Variants in SLC2A8 observed in about 807,000 individuals in gnomAD.
The protein encoded by SLC2A8 is solute carrier family 2 member 8, also known as solute carrier family 2, facilitated glucose transporter member 8.
In SLC2A8, 53 loss-of-function variants were observed where a neutral mutation model predicts 49.2. That is an observed-to-expected ratio of 1.08 (90% CI 0.86 to 1.35). SLC2A8 has a LOEUF of 1.35. Among genes scored for constraint, SLC2A8 ranks in the 40% most tolerant of loss-of-function variants. SLC2A8 has a pLI of 0.00. For synonymous variants in SLC2A8, 299 were observed against 297.0 expected (o/e 1.01, Z -0.07); for missense variants, 688 against 671.7 (o/e 1.02, Z -0.27).
chr9:127,398,182 C>T (rs1262878875), intron 3 of SLC2A8, 71 bp downstream of exon 3: 6 of 1,499,094 alleles, frequency 4.0e-6, no homozygotes, highest in Non-Finnish European at 5.5e-6. Context: ...AAACCGCTCC[C>T]CAGGCCTGGG....
intron 9 of SLC2A8, among the ~76,000 whole-genome samples, chr9:127,406,534 GAGA>G (rs1242581424): frequency 6.9e-6 from 1 of 144,490 alleles, no homozygotes; most frequent in Non-Finnish European, 1.6e-5. Context: ...AAGAGGCCAA[GAGA>G]AGGCCTTCGA....
In SLC2A8 at chr9:127,398,058, G is replaced by A. The variant is rs769602141; in HGVS notation, c.373G>A (p.Gly125Arg). ...TAAQDVWMLL[G>R]GRLLTGLACG... is the part of the protein sequence containing the mutation. ...GGCCCAGGACGTGTGGATGCTGCTGGGGGGCCGCCTCCTCACCGGCCTGGC... is the reference window on the plus strand; with the variant it reads ...GGCCCAGGACGTGTGGATGCTGCTGAGGGGCCGCCTCCTCACCGGCCTGGC... The change falls in exon 3 of 10, where the codon GGG (glycine) becomes AGG (arginine). Residue 125 changes from glycine to arginine, a missense_variant. By Grantham distance (125) the Gly-to-Arg change is moderately radical (BLOSUM62 -2). Transcript: ENST00000373371. 15 of 1,589,422 alleles carry A rather than the reference G, an allele frequency of 9.4e-6. No individual in the cohort carries two copies. The highest frequency in any genetic ancestry group is 1.3e-5 in the Non-Finnish European group (15 of 1,174,152).
chr9:127,397,241 A>G lies in SLC2A8; in HGVS notation c.11A>G (p.Glu4Gly). ...GCGTTGGCCGCCGACATGACGCCCG[A>G]GGACCCAGAGGAAACCCAGCCGCTT... MTP[E>G]DPEETQPLLG... Residue 4 changes from glutamate (E) to glycine (G), a missense_variant, in exon 1 of 10, where the codon GAG (glutamate) becomes GGG (glycine). Glu to Gly is a moderately conservative substitution (Grantham distance 98). Transcript: ENST00000373371. 1 of 1,447,218 alleles carries G rather than the reference A, an allele frequency of 6.9e-7. No individual in the cohort carries two copies. Among genetic ancestry groups the G allele is most frequent in the South Asian group, 1.4e-5 (1 of 73,274 alleles). 89.6% of individuals were successfully genotyped at this position (1,447,218 alleles called of 1,614,324 possible). A position where few individuals can be genotyped will look rare whatever the true frequency, so the allele number is the denominator to read the frequency against.
chr9:127,401,155 C>G (rs1833272236), intron 4 of SLC2A8, among the ~76,000 whole-genome samples: 1 of 152,208 alleles, frequency 6.6e-6, no homozygotes, highest in South Asian at 2.1e-4. Context: ...TGGGGATAGC[C>G]TCTCCTACGT....
chr9:127,407,190 G>T lies in SLC2A8; in HGVS notation c.1375G>T (p.Val459Phe). ...IFSVLFTLFC[V>F]PETKGKTLEQ... The stretch of plus-strand genomic sequence containing the variant: ...CAGTGTCCTTTTCACTTTGTTCTGT[G>T]TCCCTGAAACTAAAGGAAAGACTCT... The change falls in exon 10 of 10, where the codon GTC becomes TTC. Residue 459 changes from valine to phenylalanine, a missense_variant. Transcript: ENST00000373371. 1 of 1,613,602 alleles carries T rather than the reference G, an allele frequency of 6.2e-7. No homozygotes were observed. The highest frequency in any genetic ancestry group is 8.5e-7 in the Non-Finnish European group (1 of 1,180,008).
intron 4 of SLC2A8, among the ~76,000 whole-genome samples, chr9:127,401,503 C>T (rs1216453149): frequency 6.6e-6 from 1 of 152,250 alleles, no homozygotes; most frequent in Non-Finnish European, 1.5e-5. Flanking sequence ...ATCTGGCTAC[C>T]TTGGGAGACC....
intron 7 of SLC2A8, 35 bp downstream of exon 7, chr9:127,404,102 G>T (rs530006084): frequency 1.3e-5 from 20 of 1,501,406 alleles, no homozygotes; most frequent in Middle Eastern, 1.7e-4. Context: ...TCCCCGCCAT[G>T]CGGGGGAGGG....
Position 127,407,714 on chromosome 9 carries a change from T to C in SLC2A8, c.*465T>C. The C allele has an allele frequency of 3.5e-6, 1 of 285,402 alleles. No individual in the cohort carries two copies. Among genetic ancestry groups the C allele is most frequent in the Non-Finnish European group, 7.1e-6 (1 of 140,946 alleles). 17.7% of individuals were successfully genotyped at this position (285,402 alleles called of 1,614,324 possible). A position where few individuals can be genotyped will look rare whatever the true frequency, so the allele number is the denominator to read the frequency against. ...GTGCAAGCTCAGTTTGAAAAGGGTTTATTCCCATCACTGCCCAGGACACCC... is the reference window on the plus strand; with the variant it reads ...GTGCAAGCTCAGTTTGAAAAGGGTTCATTCCCATCACTGCCCAGGACACCC... On this transcript the variant is annotated 3_prime_UTR_variant, in exon 10 of 10. Transcript: ENST00000373371.
intron 4 of SLC2A8, among the ~76,000 whole-genome samples, 160 bp downstream of exon 4, chr9:127,400,166 C>CTTTTGTTTTTTTTTT (rs1833223740): frequency 1.7e-5 from 2 of 116,834 alleles, no homozygotes; most frequent in African/African-American, 6.8e-5. Context: ...ATAGGTGAGT[C>CTTTTGTTTTTTTTTT]TTTTTTTTTT....
chr9:127,404,674 G>A, intron 7 of SLC2A8, 144 bp from the exon 8 acceptor site: 1 of 941,314 alleles, frequency 1.1e-6, no homozygotes, highest in Admixed American at 2.8e-5. Flanking sequence ...ACCCAGTCAG[G>A]GCTTCTGCGG....
In SLC2A8 at chr9:127,402,662, C is replaced by G; in HGVS notation, c.632C>G (p.Thr211Ser). 1 of 1,585,868 alleles carries G rather than the reference C, an allele frequency of 6.3e-7. No homozygotes were observed. The highest frequency in any genetic ancestry group is 8.6e-7 in the Non-Finnish European group (1 of 1,167,578). ...CCCGAGACCCCGCGCTTCCTGCTGA[C>G]TCAGCACAGGCGCCAGGAGGCCATG... Reference protein sequence around the residue: ...FMPETPRFLLTQHRRQEAMAA... With the variant: ...FMPETPRFLLSQHRRQEAMAA... The change falls in exon 5 of 10, where the codon ACT becomes AGT. Residue 211 changes from threonine (T) to serine (S), a missense_variant. Coordinates refer to ENST00000373371, the MANE Select transcript of SLC2A8 (RefSeq NM_014580.5).
At chr9:127,406,205 C>A (rs140605223) in intron 9 of SLC2A8, among the ~76,000 whole-genome samples, 1 of 152,302 alleles carries the variant, frequency 6.6e-6, no homozygotes, top group Non-Finnish European at 1.5e-5. Flanking sequence ...CCAGGGAGAG[C>A]AATGAACAAG....
At chr9:127,403,490 A>G in intron 5 of SLC2A8, 170 bp from the exon 6 acceptor site, 2 of 723,132 alleles carry the variant, frequency 2.8e-6, no homozygotes, top group Non-Finnish European at 4.6e-6. Context: ...CACCTGACAC[A>G]TGGGGAGGCT....
chr9:127,403,568 G>A (rs763640725), intron 5 of SLC2A8, 92 bp from the exon 6 acceptor site: 16 of 1,493,282 alleles, frequency 1.1e-5, no homozygotes, highest in South Asian at 2.3e-5. Context: ...GGGAGTCAGC[G>A]CTCCCCAAGC....
intron 8 of SLC2A8, 151 bp from the exon 9 acceptor site, chr9:127,405,269 G>A: frequency 1.1e-6 from 1 of 949,718 alleles, no homozygotes; most frequent in Non-Finnish European, 1.5e-6. Flanking sequence ...CCGAGGCCTT[G>A]GCAGGAAAGC....
Position 127,407,167 on chromosome 9 carries a change from G to A in SLC2A8, c.1352G>A (p.Ser451Asn), listed in dbSNP as rs1589014871. ...CTTGCCTCCGCTTTCTGCATCTTCAGTGTCCTTTTCACTTTGTTCTGTGTC... is the reference window on the plus strand; with the variant it reads ...CTTGCCTCCGCTTTCTGCATCTTCAATGTCCTTTTCACTTTGTTCTGTGTC... ...FWLASAFCIF[S>N]VLFTLFCVPE... Residue 451 changes from serine to asparagine, a missense_variant, in exon 10 of 10, where the codon AGT becomes AAT. By Grantham distance (46) the Ser-to-Asn change is conservative (BLOSUM62 1). Transcript: ENST00000373371. 4 of 1,613,710 alleles carry A rather than the reference G, an allele frequency of 2.5e-6. No homozygotes were observed. Among genetic ancestry groups the A allele is most frequent in the Non-Finnish European group, 3.4e-6 (4 of 1,180,008 alleles).
chr9:127,407,875 AAAAC>A lies in SLC2A8; in HGVS notation c.*630_*633del, dbSNP rs202008750. 47,640 of 148,188 alleles carry A rather than the reference AAAAC, an allele frequency of 0.32. 7,981 individuals are homozygous for A. Among genetic ancestry groups the A allele is most frequent in the Middle Eastern group, 0.47 (135 of 290 alleles). 9.2% of individuals were successfully genotyped at this position (148,188 alleles called of 1,614,324 possible). On this transcript the variant is annotated 3_prime_UTR_variant, in exon 10 of 10. Coordinates refer to ENST00000373371, the MANE Select transcript of SLC2A8 (RefSeq NM_014580.5). ...GAGTTTAAAAAATAAACAGCAAAAA[AAAAC>A]AAAACAAAACAAAAAAAAACACCTT...
At chr9:127,400,164 G>GGCTTTTTTTTTTTTT (rs1833222019) in intron 4 of SLC2A8, among the ~76,000 whole-genome samples, 158 bp downstream of exon 4, 1 of 113,954 alleles carries the variant, frequency 8.8e-6, no homozygotes, top group Admixed American at 8.0e-5. Context: ...GGATAGGTGA[G>GGCTTTTTTTTTTTTT]TCTTTTTTTT....
chr9:127,397,316 C>G (rs1216000816), intron 1 of SLC2A8, 30 bp downstream of exon 1: 3 of 1,378,268 alleles, frequency 2.2e-6, no homozygotes, highest in Non-Finnish European at 2.8e-6. Flanking sequence ...GGCCCGGATG[C>G]GGCCTCGCCC....
Sources: allele counts gnomAD v4.1 joint callset (sites outside exome capture counted in the v4.1 genomes callset), GRCh38; gene constraint gnomAD v4.1.1; transcripts MANE v1.5; gene names NCBI Gene and HGNC (gene_info 2026-07-23, HGNC 2026-07-21).